VPS53: variants seen among roughly 807,000 people sequenced by gnomAD.
VPS53 encodes VPS53 subunit of GARP complex.
VPS53 carries 70 observed loss-of-function variants against 107.0 expected under a neutral mutation model. The ratio of observed to expected loss-of-function variants is 0.65; its 90% confidence interval spans 0.54 to 0.80. VPS53 has a LOEUF of 0.80. Ranked by LOEUF, VPS53 falls within the 30% of genes least tolerant of loss-of-function variation. The pLI, the probability that VPS53 is intolerant of heterozygous loss-of-function variation, is 0.00. For synonymous variants in VPS53, 409 were observed against 393.3 expected (o/e 1.04, Z -0.47); for missense variants, 917 against 1,049.4 (o/e 0.87, Z 1.74).
chr17:537,049 TGAGTG>T lies in VPS53; in HGVS notation c.1989_1993del (p.Phe663LeufsTer5). 1 of 1,614,158 alleles carries T rather than the reference TGAGTG, an allele frequency of 6.2e-7. No homozygotes were observed. On this transcript the variant is annotated frameshift_variant, in exon 18 of 22. Coordinates refer to ENST00000437048, the MANE Select transcript of VPS53 (RefSeq NM_001128159.3). LOFTEE classifies it high-confidence loss of function. ...TTACTTTGCAAATTTAACGCAGAAC[TGAGTG>T]AAGTACTTGCGTGTGGAAGCCAGGT...
chr17:672,175 ATCTCTCTCTCTCTCTCTC>A (rs10539620), intron 4 of VPS53, among the ~76,000 whole-genome samples: 59 of 107,160 alleles, frequency 5.5e-4, no homozygotes, highest in Non-Finnish European at 8.4e-4. Context: ...CACAATCTCA[ATCTCTCTCTCTCTCTCTC>A]TCTCTCTCTC....
chr17:582,836 T>A (rs1213831681), intron 13 of VPS53, among the ~76,000 whole-genome samples: 1 of 150,640 alleles, frequency 6.6e-6, no homozygotes, highest in South Asian at 2.1e-4. Flanking sequence ...CAGAACCTAA[T>A]GTGTTCCCAG....
chr17:638,533 T>C (rs1387343936), intron 7 of VPS53, among the ~76,000 whole-genome samples: 3 of 152,234 alleles, frequency 2.0e-5, no homozygotes, highest in Non-Finnish European at 4.4e-5. Flanking sequence ...CAATTTGGCA[T>C]GTTTTTGCAG....
chr17:702,609 T>C (rs952251065), intron 2 of VPS53, among the ~76,000 whole-genome samples: 5 of 151,974 alleles, frequency 3.3e-5, no homozygotes, highest in Non-Finnish European at 7.4e-5. Flanking sequence ...GAGGTTGCGG[T>C]GAGCCGAGAT....
At chr17:576,320 C>G (rs1487521790) in intron 13 of VPS53, among the ~76,000 whole-genome samples, 1 of 152,046 alleles carries the variant, frequency 6.6e-6, no homozygotes, top group African/African-American at 2.4e-5. Context: ...AAGAACTTCC[C>G]TCAGAACCTA....
intron 11 of VPS53, 31 bp from the exon 12 acceptor site, chr17:601,927 T>C (rs1968346317): frequency 2.0e-6 from 3 of 1,464,660 alleles, no homozygotes; most frequent in South Asian, 1.3e-5. Context: ...AGAGAAGTGT[T>C]TTCTGAGCAT....
intron 7 of VPS53, among the ~76,000 whole-genome samples, chr17:646,452 C>T (rs1040068023): frequency 4.6e-3 from 630 of 136,432 alleles, no homozygotes; most frequent in Non-Finnish European, 7.0e-3. Flanking sequence ...GATTGGCTCC[C>T]ACACACATCT....
rs1907895238 is a variant in VPS53, at chr17:510,719, GC to G, written c.*8408del. 1 of 152,786 alleles carries G rather than the reference GC, an allele frequency of 6.5e-6. No individual in the cohort carries two copies. The highest frequency in any genetic ancestry group is 1.5e-5 in the Non-Finnish European group (1 of 68,514). 9.5% of individuals were successfully genotyped at this position (152,786 alleles called of 1,614,324 possible). ...CAACATGTACAGATAGCACTGAATT[GC>G]CCAGGCCCTCTCATGACCTAAGATA... On this transcript the variant is annotated 3_prime_UTR_variant, in exon 22 of 22. Transcript: ENST00000437048.
At chr17:617,737 G>A (rs1969215873) in intron 11 of VPS53, among the ~76,000 whole-genome samples, 1 of 150,258 alleles carries the variant, frequency 6.7e-6, no homozygotes, top group African/African-American at 2.5e-5. Flanking sequence ...AGGTAGCTGG[G>A]ACTACAGGCA....
rs931849083 is a variant in VPS53, at chr17:517,686, AT to A, written c.*1441del. ...AGGCACTCGCCATGACACCCGGCTAATTTTTTTTATTTTTAGTTGAGACAGG... is the reference window on the plus strand; with the variant it reads ...AGGCACTCGCCATGACACCCGGCTAATTTTTTTATTTTTAGTTGAGACAGG... On this transcript the variant is annotated 3_prime_UTR_variant, in exon 22 of 22. Coordinates refer to ENST00000437048, the MANE Select transcript of VPS53 (RefSeq NM_001128159.3). 29 of 333,774 alleles carry A rather than the reference AT, an allele frequency of 8.7e-5. No individual in the cohort carries two copies. The highest frequency in any genetic ancestry group is 1.6e-4 in the South Asian group (1 of 6,328). The allele number at this position is 333,774 out of a possible 1,614,324, so 20.7% of individuals were successfully genotyped here.
chr17:519,723 C>G lies in VPS53; in HGVS notation c.2328+103G>C. 2.3e-6 allele frequency: 2 copies of G among 872,994 alleles called. No individual in the cohort carries two copies. The highest frequency in any genetic ancestry group is 4.4e-5 in the Admixed American group (2 of 45,306). 54.1% of individuals were successfully genotyped at this position (872,994 alleles called of 1,614,324 possible). A position where few individuals can be genotyped will look rare whatever the true frequency, so the allele number is the denominator to read the frequency against. On this transcript the variant is annotated intron_variant, in intron 21 of 21. Coordinates refer to ENST00000437048, the MANE Select transcript of VPS53 (RefSeq NM_001128159.3). The surrounding 1 kb of genome is among the most constrained non-coding windows in gnomAD (Gnocchi z 5.0). ...TTTGCTCTGTGGAGCCAGGCACATGCATTTTGAGAAAGCCCCCCCGGAACT... is the reference window on the plus strand; with the variant it reads ...TTTGCTCTGTGGAGCCAGGCACATGGATTTTGAGAAAGCCCCCCCGGAACT...
At chr17:546,457 AC>A (rs1911206148) in intron 17 of VPS53, among the ~76,000 whole-genome samples, 1 of 152,150 alleles carries the variant, frequency 6.6e-6, no homozygotes, top group Non-Finnish European at 1.5e-5. Flanking sequence ...GAGAATATTT[AC>A]AAATTTCATA....
chr17:553,503 A>G (rs753038149), intron 15 of VPS53, 41 bp from the exon 16 acceptor site: 2 of 1,456,500 alleles, frequency 1.4e-6, no homozygotes, highest in Admixed American at 3.4e-5. Context: ...GTTAATGATT[A>G]TCCAAAGAAG....
At chr17:591,761 T>C (rs1037766648) in intron 12 of VPS53, among the ~76,000 whole-genome samples, 1 of 152,230 alleles carries the variant, frequency 6.6e-6, no homozygotes, top group Admixed American at 6.5e-5. Flanking sequence ...TTATAATTTC[T>C]TTTACATTTG....
chr17:593,145 T>C (rs957377590), intron 12 of VPS53, among the ~76,000 whole-genome samples: 2 of 152,122 alleles, frequency 1.3e-5, no homozygotes, highest in Non-Finnish European at 2.9e-5. Flanking sequence ...TTACACTTTA[T>C]ACAAAAATCA....
intron 11 of VPS53, among the ~76,000 whole-genome samples, chr17:604,359 G>T (rs561751426): frequency 6.6e-6 from 1 of 152,316 alleles, no homozygotes; most frequent in Admixed American, 6.5e-5. Context: ...ACTCTCGCTG[G>T]CGTAAAGCAT....
chr17:645,263 C>A (rs9900628), intron 7 of VPS53, among the ~76,000 whole-genome samples: 1 of 152,186 alleles, frequency 6.6e-6, no homozygotes, highest in East Asian at 1.9e-4. Flanking sequence ...CACGTCCTAA[C>A]GGGGGCATCT....
chr17:618,355 C>G (rs560768998), intron 11 of VPS53, among the ~76,000 whole-genome samples: 1 of 107,900 alleles, frequency 9.3e-6, no homozygotes, highest in Non-Finnish European at 2.2e-5. Flanking sequence ...GGTGCACCAC[C>G]ACGCCCCACT....
Position 569,073 on chromosome 17 carries a change from C to T in VPS53, c.1314-6328G>A, listed in dbSNP as rs182330552. 1.0e-3 allele frequency among the ~76,000 whole-genome samples: 157 copies of T among 152,248 alleles called. 3 individuals carry two copies. The highest frequency in any genetic ancestry group is 3.7e-3 in the African/African-American group (155 of 41,530). The stretch of plus-strand genomic sequence containing the variant: ...AACAAGAAATGCCTGGGGAAATGGA[C>T]GACTCCAGGGCTGGGATACAAAAGT... On this transcript the variant is annotated intron_variant, in intron 13 of 21. Transcript: ENST00000437048.
Sources: allele counts gnomAD v4.1 joint callset (sites outside exome capture counted in the v4.1 genomes callset), GRCh38; gene constraint gnomAD v4.1.1; non-coding constraint Gnocchi (gnomAD v3.1); transcripts MANE v1.5; gene names NCBI Gene and HGNC (gene_info 2026-07-23, HGNC 2026-07-21).